PCDHA3: variants seen among roughly 807,000 people sequenced by gnomAD.
PCDHA3 encodes protocadherin alpha 3.
A neutral mutation model predicts 62.2 loss-of-function variants in PCDHA3; 41 were observed. That is an observed-to-expected ratio of 0.66 (90% CI 0.51 to 0.86). The LOEUF is 0.86. Ranked by LOEUF, PCDHA3 falls within the 40% of genes least tolerant of loss-of-function variation. The probability of loss-of-function intolerance (pLI) is 0.00; values close to 1 mark genes in which losing one functional copy is unlikely to be tolerated. For synonymous variants in PCDHA3, 640 were observed against 555.4 expected (o/e 1.15, Z -2.14); for missense variants, 1,304 against 1,241.2 (o/e 1.05, Z -0.76).
intron 1 of PCDHA3, among the ~76,000 whole-genome samples, chr5:140,831,531 T>C (rs1485160506): frequency 6.6e-6 from 1 of 150,388 alleles, no homozygotes; most frequent in Non-Finnish European, 1.5e-5. Flanking sequence ...TTTTTTTTTT[T>C]TTTTTTTTTT....
chr5:140,830,384 C>T (rs2150185843), intron 1 of PCDHA3: 1 of 1,614,156 alleles, frequency 6.2e-7, no homozygotes, highest in South Asian at 1.1e-5. Context: ...GGAGGGCCCA[C>T]CCAAGATGGA....
chr5:140,823,023 C>G, intron 1 of PCDHA3: 1 of 1,614,226 alleles, frequency 6.2e-7, no homozygotes, highest in Non-Finnish European at 8.5e-7. Context: ...ACCGCGAGAG[C>G]GTGTCGGTCT....
Position 140,841,941 on chromosome 5 carries a change from C to A in PCDHA3, c.2394+38350C>A, listed in dbSNP as rs2150325943. The A allele has an allele frequency of 6.2e-6, 10 of 1,613,918 alleles. No individual in the cohort carries two copies. In the South Asian group the frequency reaches 7.7e-5, roughly 12 times the overall value. ...TCCTTGGACAGAGAGGACGCTCCTG[C>A]GCACCACTTATTCCTGACAGCCACA... On this transcript the variant is annotated intron_variant, in intron 1 of 3. Coordinates refer to ENST00000522353, the MANE Select transcript of PCDHA3 (RefSeq NM_018906.3).
intron 3 of PCDHA3, among the ~76,000 whole-genome samples, chr5:140,985,840 T>C (rs1441638586): frequency 2.0e-5 from 3 of 149,512 alleles, no homozygotes; most frequent in African/African-American, 7.4e-5. Flanking sequence ...CCCGGGTTCA[T>C]GCCACTCTCC....
chr5:140,829,210 C>G (rs375156998), intron 1 of PCDHA3: 3 of 1,614,110 alleles, frequency 1.9e-6, no homozygotes, highest in Non-Finnish European at 2.5e-6. Context: ...CCCTAATTAG[C>G]GTGAACGACC....
In PCDHA3 at chr5:140,855,793, CAT is replaced by C. The variant is rs1336692257; in HGVS notation, c.2394+52205_2394+52206del. On this transcript the variant is annotated intron_variant, in intron 1 of 3. Coordinates refer to ENST00000522353, the MANE Select transcript of PCDHA3 (RefSeq NM_018906.3). ...TAAAAATACGTAAAAAAAGAATTAA[CAT>C]ATGAATGAAAGAAAAGTTGTGAACT... 3.6e-4 allele frequency: 165 copies of C among 456,916 alleles called. 2 individuals are homozygous for C. The East Asian group carries it at 4.8e-3, about 13-fold the overall frequency. The allele number at this position is 456,916 out of a possible 1,614,324, so 28.3% of individuals were successfully genotyped here.
chr5:140,897,881 C>G (rs1417702752), intron 1 of PCDHA3, among the ~76,000 whole-genome samples: 1 of 152,312 alleles, frequency 6.6e-6, no homozygotes, highest in Admixed American at 6.5e-5. Context: ...GATTGCCATT[C>G]TAACTGGTGT....
chr5:140,884,733 T>A (rs782206169), intron 1 of PCDHA3: 2 of 1,448,004 alleles, frequency 1.4e-6, no homozygotes, highest in African/African-American at 1.4e-5. Flanking sequence ...GTTTAAGACA[T>A]CTTTCCTGCC....
chr5:140,986,945 C>T (rs1295830111), intron 3 of PCDHA3, among the ~76,000 whole-genome samples: 1 of 151,946 alleles, frequency 6.6e-6, no homozygotes, highest in Non-Finnish European at 1.5e-5. Flanking sequence ...TGGGTGTGGT[C>T]GCTCATGCCT....
chr5:140,809,940 G>A (rs1257733835), intron 1 of PCDHA3: 2 of 165,572 alleles, frequency 1.2e-5, no homozygotes, highest in Admixed American at 6.0e-5. Flanking sequence ...TTGTATGAAA[G>A]TGAAAAGCTC....
intron 1 of PCDHA3, chr5:140,809,861 A>G: frequency 3.5e-6 from 1 of 287,918 alleles, no homozygotes; most frequent in South Asian, 6.6e-5. Context: ...TTTAGAAAAC[A>G]TTTTACTATT....
rs782257127 is a variant in PCDHA3, at chr5:140,870,719, C to G, written c.2394+67128C>G. On this transcript the variant is annotated intron_variant, in intron 1 of 3. Coordinates refer to ENST00000522353, the MANE Select transcript of PCDHA3 (RefSeq NM_018906.3). ...CAGTTCCAGGTGAGCGCGCGCGATG[C>G]GGGCGTGCCGCCTCTGAGCAGCAAC... 3.7e-6 allele frequency: 6 copies of G among 1,612,966 alleles called. No homozygotes were observed. In the African/African-American group the frequency reaches 4.0e-5, roughly 11 times the overall value.
At chr5:140,831,922 C>T (rs186638851) in intron 1 of PCDHA3, among the ~76,000 whole-genome samples, 62 of 152,254 alleles carry the variant, frequency 4.1e-4, no homozygotes, top group Middle Eastern at 3.4e-3. Flanking sequence ...AAAAAATTTG[C>T]TACTAGTTTT....
At chr5:140,809,579 G>A (rs782533943) in intron 1 of PCDHA3, 2 of 1,559,178 alleles carry the variant, frequency 1.3e-6, no homozygotes, top group South Asian at 2.4e-5. Flanking sequence ...AAAGGTTAGT[G>A]TATAACATCC....
chr5:140,946,763 C>T (rs1453017337), intron 1 of PCDHA3, among the ~76,000 whole-genome samples: 1 of 151,160 alleles, frequency 6.6e-6, no homozygotes, highest in Non-Finnish European at 1.5e-5. Context: ...TGATCTCATT[C>T]ATGTGGAATG....
chr5:140,960,575 A>G (rs990834964), intron 1 of PCDHA3, among the ~76,000 whole-genome samples: 4 of 152,186 alleles, frequency 2.6e-5, no homozygotes, highest in Non-Finnish European at 2.9e-5. Flanking sequence ...AAACAGTTGG[A>G]AAACAGTTCA....
chr5:140,862,840 C>A (rs1434718417), intron 1 of PCDHA3: 1 of 573,790 alleles, frequency 1.7e-6, no homozygotes, highest in Non-Finnish European at 3.3e-6. Flanking sequence ...CGCGGGCATG[C>A]CGCCTCTGAG....
chr5:140,856,181 G>T lies in PCDHA3; in HGVS notation c.2394+52590G>T, dbSNP rs781803033. 1.1e-5 allele frequency: 18 copies of T among 1,598,112 alleles called. 2 individuals are homozygous for T. Among genetic ancestry groups the T allele is most frequent in the Middle Eastern group, 3.4e-4 (2 of 5,944 alleles). On this transcript the variant is annotated intron_variant, in intron 1 of 3. Coordinates refer to ENST00000522353, the MANE Select transcript of PCDHA3 (RefSeq NM_018906.3). Reference sequence around the variant, plus strand: ...GGAGGCCAGACACGGCACCTTCGTGGGCCGCATCGCGCAGGACCTGGGGCT... The same window carrying T: ...GGAGGCCAGACACGGCACCTTCGTGTGCCGCATCGCGCAGGACCTGGGGCT...
chr5:140,870,329 A>G, intron 1 of PCDHA3: 1 of 1,614,160 alleles, frequency 6.2e-7, no homozygotes, highest in Non-Finnish European at 8.5e-7. Context: ...TTGGTGCTGG[A>G]CAGCGCCCTG....
Sources: gnomAD v4.1 joint callset for allele counts (sites outside exome capture counted in the v4.1 genomes callset) on GRCh38, gnomAD v4.1.1 for gene constraint, MANE v1.5 for transcripts, NCBI Gene and HGNC (gene_info 2026-07-23, HGNC 2026-07-21) for gene names.